Variants in FUT9 observed in about 807,000 individuals in gnomAD.
FUT9 encodes 4-galactosyl-N-acetylglucosaminide 3-alpha-L-fucosyltransferase 9.
In FUT9, 15 loss-of-function variants were observed where a neutral mutation model predicts 29.7. That is an observed-to-expected ratio of 0.51 (90% CI 0.34 to 0.78). The LOEUF (loss-of-function observed/expected upper bound fraction) is 0.78, where lower values mean the gene tolerates loss of function less well. Among genes scored for constraint, FUT9 ranks in the 30% least tolerant of loss-of-function variants. The pLI, the probability that FUT9 is intolerant of heterozygous loss-of-function variation, is 0.01. For synonymous variants in FUT9, 169 were observed against 153.7 expected, an observed-to-expected ratio of 1.10 and a Z score of -0.74; for missense variants, 319 against 425.4, an observed-to-expected ratio of 0.75 and a Z score of 2.20.
At chr6:96,174,878 AG>A (rs1773176263) in intron 2 of FUT9, among the ~76,000 whole-genome samples, 1 of 152,140 alleles carries the variant, frequency 6.6e-6, no homozygotes, top group Non-Finnish European at 1.5e-5. Flanking sequence ...CACAAACCAA[AG>A]CTCCTTGAAA....
chr6:96,155,685 G>A (rs7764224), intron 2 of FUT9, among the ~76,000 whole-genome samples: 135,716 of 149,636 alleles, frequency 0.91, 62,820 homozygotes, highest in Non-Finnish European at 0.99. Context: ...AAAAAAAAAA[G>A]GAAAGAAAGA....
At chr6:96,127,144 G>A (rs1253964441) in intron 2 of FUT9, among the ~76,000 whole-genome samples, 1 of 152,102 alleles carries the variant, frequency 6.6e-6, no homozygotes, top group Non-Finnish European at 1.5e-5. Context: ...TAAGTAATAA[G>A]CAGAGTATCC....
chr6:96,174,663 G>T lies in FUT9; in HGVS notation c.-8-28485G>T, dbSNP rs553649818. 3.3e-5 allele frequency among the ~76,000 whole-genome samples: 5 copies of T among 152,102 alleles called. No individual in the cohort carries two copies. The South Asian group carries it at 8.3e-4, about 25-fold the overall frequency. On this transcript the variant is annotated intron_variant, in intron 2 of 2. Transcript: ENST00000302103. ...CACATTATGGTCTTGTTTTCCCCCA[G>T]TTCATCATTGTGCTTTTATTTGGAA...
At position 96,080,261 on chromosome 6, in the gene FUT9, A is replaced by G. The variant is rs527633699; in HGVS notation, c.-97-33778A>G. Reference sequence around the variant, plus strand: ...AAAGAATGACATAATAATTTTTTCAATGGTTATTTGTAAGAGGATATAAAA... The same window carrying G: ...AAAGAATGACATAATAATTTTTTCAGTGGTTATTTGTAAGAGGATATAAAA... On this transcript the variant is annotated intron_variant, in intron 1 of 2. Coordinates refer to ENST00000302103, the MANE Select transcript of FUT9 (RefSeq NM_006581.4). Among the ~76,000 whole-genome samples, 252 of 152,062 alleles carry G rather than the reference A, an allele frequency of 1.7e-3. 1 individual carries two copies. The highest frequency in any genetic ancestry group is 5.6e-3 in the African/African-American group (234 of 41,568).
At chr6:96,201,006 G>C (rs528837199) in intron 2 of FUT9, among the ~76,000 whole-genome samples, 1 of 151,300 alleles carries the variant, frequency 6.6e-6, no homozygotes, top group East Asian at 2.0e-4. Flanking sequence ...GTCATATCTT[G>C]CTTGGGTAAC....
chr6:96,123,227 C>T (rs1480990525), intron 2 of FUT9, among the ~76,000 whole-genome samples: 1 of 152,008 alleles, frequency 6.6e-6, no homozygotes, highest in African/African-American at 2.4e-5. Flanking sequence ...TATATTCTTT[C>T]TGAGGCTGTT....
At chr6:96,030,937 T>G (rs1171696172) in intron 1 of FUT9, among the ~76,000 whole-genome samples, 1 of 151,492 alleles carries the variant, frequency 6.6e-6, no homozygotes, top group African/African-American at 2.4e-5. Flanking sequence ...GGTGGGAAGT[T>G]GAGGCTGATT....
intron 2 of FUT9, among the ~76,000 whole-genome samples, chr6:96,131,962 T>C (rs1490405833): frequency 6.6e-6 from 1 of 152,132 alleles, no homozygotes; most frequent in Non-Finnish European, 1.5e-5. Context: ...GATATTATAG[T>C]CTTCATTTCT....
At chr6:96,143,937 A>G (rs1014228248) in intron 2 of FUT9, among the ~76,000 whole-genome samples, 2 of 152,192 alleles carry the variant, frequency 1.3e-5, no homozygotes, top group Non-Finnish European at 2.9e-5. Flanking sequence ...GGAAATAGGT[A>G]ATGCTGGTTG....
chr6:96,145,534 A>T (rs1193584156), intron 2 of FUT9, among the ~76,000 whole-genome samples: 1 of 152,198 alleles, frequency 6.6e-6, no homozygotes, highest in Non-Finnish European at 1.5e-5. Context: ...TATGATGTAT[A>T]GTGTGTTGGA....
intron 2 of FUT9, among the ~76,000 whole-genome samples, chr6:96,186,668 C>A (rs1039282640): frequency 2.0e-5 from 3 of 151,990 alleles, no homozygotes; most frequent in Non-Finnish European, 4.4e-5. Flanking sequence ...CAACCTGGAG[C>A]CCCACAAAAG....
At chr6:96,129,408 A>G (rs1320827955) in intron 2 of FUT9, among the ~76,000 whole-genome samples, 3 of 152,166 alleles carry the variant, frequency 2.0e-5, no homozygotes, top group Admixed American at 6.5e-5. Flanking sequence ...GTAAGTTGCA[A>G]TTGTGCCACT....
At chr6:96,096,291 G>T (rs2127955317) in intron 1 of FUT9, among the ~76,000 whole-genome samples, 1 of 152,112 alleles carries the variant, frequency 6.6e-6, no homozygotes, top group South Asian at 2.1e-4. Flanking sequence ...CCAGAATCTT[G>T]CTACTTCTCA....
chr6:96,188,258 G>C (rs1582295565), intron 2 of FUT9, among the ~76,000 whole-genome samples: 2 of 152,174 alleles, frequency 1.3e-5, no homozygotes, highest in South Asian at 4.1e-4. Context: ...TCTTTTGTGT[G>C]TGTGTGTATG....
chr6:96,149,710 A>G (rs1231740814), intron 2 of FUT9, among the ~76,000 whole-genome samples: 8 of 152,212 alleles, frequency 5.3e-5, no homozygotes, highest in Admixed American at 5.2e-4. Context: ...TGTTTTATTT[A>G]TAATTATTGT....
At chr6:96,055,703 C>CTTTT (rs760829368) in intron 1 of FUT9, among the ~76,000 whole-genome samples, 1 of 103,642 alleles carries the variant, frequency 9.6e-6, no homozygotes, top group African/African-American at 4.5e-5. Flanking sequence ...TTTTCTATTT[C>CTTTT]TTTTTCTTTT....
At chr6:96,150,291 T>A (rs751941382) in intron 2 of FUT9, among the ~76,000 whole-genome samples, 1 of 152,134 alleles carries the variant, frequency 6.6e-6, no homozygotes, top group Non-Finnish European at 1.5e-5. Flanking sequence ...GTAAACAAAG[T>A]GGCATTTTTG....
intron 2 of FUT9, among the ~76,000 whole-genome samples, chr6:96,121,140 T>G (rs1265286191): frequency 1.3e-5 from 2 of 152,186 alleles, no homozygotes; most frequent in Non-Finnish European, 2.9e-5. Context: ...AAAATTAACA[T>G]TAATTTACTT....
chr6:96,143,674 T>C (rs1363304745), intron 2 of FUT9, among the ~76,000 whole-genome samples: 1 of 152,172 alleles, frequency 6.6e-6, no homozygotes, highest in Non-Finnish European at 1.5e-5. Flanking sequence ...CATTTGGAAC[T>C]GTTTACTACC....
Sources: gnomAD v4.1 joint callset for allele counts (sites outside exome capture counted in the v4.1 genomes callset) on GRCh38, gnomAD v4.1.1 for gene constraint, MANE v1.5 for transcripts, NCBI Gene and HGNC (gene_info 2026-07-23, HGNC 2026-07-21) for gene names.